Variants in AGBL4 observed in about 807,000 individuals in gnomAD.
AGBL4 encodes the protein AGBL carboxypeptidase 4.
In AGBL4, 58 loss-of-function variants were observed where a neutral mutation model predicts 66.4. That is an observed-to-expected ratio of 0.87 (90% CI 0.71 to 1.09). The LOEUF (loss-of-function observed/expected upper bound fraction) is 1.09. Ranked by LOEUF, AGBL4 falls within the 50% of genes least tolerant of loss-of-function variation. The pLI is 0.00. For synonymous variants in AGBL4, 234 were observed against 222.9 expected (o/e 1.05, Z -0.44); for missense variants, 579 against 631.0 (o/e 0.92, Z 0.88).
intron 5 of AGBL4, among the ~76,000 whole-genome samples, chr1:49,006,438 C>G (rs1377051861): frequency 6.6e-6 from 1 of 152,106 alleles, no homozygotes; most frequent in Admixed American, 6.5e-5. Flanking sequence ...AAGGCGGCAG[C>G]GAGGCTGGGG....
At chr1:48,997,485 G>A (rs1418303781) in intron 5 of AGBL4, among the ~76,000 whole-genome samples, 1 of 152,122 alleles carries the variant, frequency 6.6e-6, no homozygotes, top group African/African-American at 2.4e-5. Context: ...TATTCTTAAT[G>A]TTTAGAAAAA....
intron 6 of AGBL4, among the ~76,000 whole-genome samples, chr1:48,717,419 C>T (rs1253742958): frequency 1.3e-5 from 2 of 152,186 alleles, no homozygotes; most frequent in Non-Finnish European, 2.9e-5. Context: ...TCTTACTATA[C>T]ATTATGATTT....
In AGBL4 at chr1:49,857,410, T is replaced by G. The variant is rs370331796; in HGVS notation, c.35-5892A>C. 9.9e-4 allele frequency among the ~76,000 whole-genome samples: 150 copies of G among 151,974 alleles called. 2 individuals are homozygous for G. In the South Asian group the frequency reaches 0.03, roughly 30 times the overall value. ...GACATGGAAACACAAATACCCCAAA[T>G]AGCCAACAACATTGAGCAAACAGAA... On this transcript the variant is annotated intron_variant, in intron 1 of 13. Coordinates refer to ENST00000371839, the MANE Select transcript of AGBL4 (RefSeq NM_032785.4).
intron 2 of AGBL4, among the ~76,000 whole-genome samples, chr1:49,818,977 G>C (rs1645298878): frequency 6.6e-6 from 1 of 152,062 alleles, no homozygotes; most frequent in South Asian, 2.1e-4. Flanking sequence ...TCAAATCCCA[G>C]CTCTATCATT....
At chr1:49,100,055 G>A (rs1645173218) in intron 4 of AGBL4, among the ~76,000 whole-genome samples, 1 of 152,208 alleles carries the variant, frequency 6.6e-6, no homozygotes, top group East Asian at 1.9e-4. Context: ...GCTTGCAGCA[G>A]GTCAGATTCT....
chr1:49,115,485 C>A (rs1488837213), intron 4 of AGBL4, among the ~76,000 whole-genome samples: 1 of 151,916 alleles, frequency 6.6e-6, no homozygotes, highest in Non-Finnish European at 1.5e-5. Context: ...TGTAGATAGA[C>A]AAAATTTTTA....
At chr1:49,661,518 T>C (rs1327507253) in intron 3 of AGBL4, among the ~76,000 whole-genome samples, 2 of 152,140 alleles carry the variant, frequency 1.3e-5, no homozygotes, top group South Asian at 2.1e-4. Context: ...GACCATCTGA[T>C]ACACTGATTA....
intron 3 of AGBL4, among the ~76,000 whole-genome samples, chr1:49,533,987 A>G (rs1250870328): frequency 6.6e-6 from 1 of 152,062 alleles, no homozygotes; most frequent in Non-Finnish European, 1.5e-5. Context: ...GCCAAAGAGA[A>G]GGGTCTAGGG....
intron 3 of AGBL4, among the ~76,000 whole-genome samples, chr1:49,645,685 C>A (rs1645871863): frequency 6.8e-6 from 1 of 147,656 alleles, no homozygotes; most frequent in Admixed American, 6.8e-5. Context: ...ATTCTGAATA[C>A]AATGTTATCC....
intron 11 of AGBL4, among the ~76,000 whole-genome samples, chr1:48,560,483 C>T (rs1410296740): frequency 2.0e-5 from 3 of 152,150 alleles, no homozygotes; most frequent in Non-Finnish European, 4.4e-5. Flanking sequence ...GACACAAATG[C>T]CCCTGGGCTT....
chr1:49,429,851 T>TATA (rs200824365), intron 3 of AGBL4, among the ~76,000 whole-genome samples: 2 of 111,744 alleles, frequency 1.8e-5, no homozygotes, highest in African/African-American at 7.6e-5. Context: ...TTTGAATATA[T>TATA]TTTTTTTTTT....
intron 3 of AGBL4, among the ~76,000 whole-genome samples, chr1:49,524,436 T>C (rs1339402146): frequency 6.6e-6 from 1 of 151,996 alleles, no homozygotes; most frequent in African/African-American, 2.4e-5. Context: ...GTCCAGCAGG[T>C]GAGACAAAGT....
chr1:49,073,033 A>G (rs935695240), intron 4 of AGBL4, among the ~76,000 whole-genome samples: 1 of 152,036 alleles, frequency 6.6e-6, no homozygotes, highest in Non-Finnish European at 1.5e-5. Context: ...CACTTGATCA[A>G]TTCAGCTACC....
chr1:50,016,288 G>T lies in AGBL4; in HGVS notation c.34+7475C>A, dbSNP rs556425150. ...ACTTAAACAAATTAACAGGCTGGGCGTGGTGGCTCATGCCTGTAATCGTAT... is the reference window on the plus strand; with the variant it reads ...ACTTAAACAAATTAACAGGCTGGGCTTGGTGGCTCATGCCTGTAATCGTAT... On this transcript the variant is annotated intron_variant, in intron 1 of 13. Transcript: ENST00000371839. 2.0e-5 allele frequency among the ~76,000 whole-genome samples: 3 copies of T among 152,118 alleles called. No individual in the cohort carries two copies. The East Asian group carries it at 5.8e-4, about 29-fold the overall frequency.
rs532328846 is a variant in AGBL4, at chr1:49,346,278, A to G, written c.283-100414T>C. Among the ~76,000 whole-genome samples, 270 of 152,228 alleles carry G rather than the reference A, an allele frequency of 1.8e-3. 8 individuals carry two copies. In the South Asian group the frequency reaches 0.056, roughly 31 times the overall value. On this transcript the variant is annotated intron_variant, in intron 3 of 13. Transcript: ENST00000371839. ...TTTGTTTTGTTTTTGTTTTCTGTCA[A>G]TTTAGACTGCTTATTCCTGTGAACC...
At chr1:48,870,334 C>T (rs891676964) in intron 5 of AGBL4, among the ~76,000 whole-genome samples, 3 of 151,870 alleles carry the variant, frequency 2.0e-5, no homozygotes, top group East Asian at 1.9e-4. Flanking sequence ...TATCATGTAC[C>T]GTCTTCATTG....
intron 3 of AGBL4, among the ~76,000 whole-genome samples, chr1:49,497,579 T>C (rs1479495009): frequency 6.6e-6 from 1 of 152,028 alleles, no homozygotes; most frequent in Non-Finnish European, 1.5e-5. Flanking sequence ...TGAGATAAAG[T>C]CTATTTTCAT....
chr1:49,929,547 A>G (rs1228313349), intron 1 of AGBL4, among the ~76,000 whole-genome samples: 1 of 152,148 alleles, frequency 6.6e-6, no homozygotes, highest in Non-Finnish European at 1.5e-5. Context: ...GTACATTTCA[A>G]TAAGCTGTTT....
In AGBL4 at chr1:48,641,735, C is replaced by T. The variant is rs544382366; in HGVS notation, c.840-7131G>A. 1.2e-4 allele frequency among the ~76,000 whole-genome samples: 19 copies of T among 152,148 alleles called. No individual in the cohort carries two copies. In the South Asian group the frequency reaches 1.9e-3, roughly 15 times the overall value. ...AGAGGCTCAGAAGTGGTAATTTGAC[C>T]ATGGTCCAGCAAGGACAAGTGACAG... On this transcript the variant is annotated intron_variant, in intron 8 of 13. Transcript: ENST00000371839.
Sources: allele counts gnomAD v4.1 joint callset (sites outside exome capture counted in the v4.1 genomes callset), GRCh38; gene constraint gnomAD v4.1.1; transcripts MANE v1.5; gene names NCBI Gene and HGNC (gene_info 2026-07-23, HGNC 2026-07-21).